The following FTO variants were observed in gnomAD, a reference collection of about 807,000 sequenced individuals.
The protein encoded by FTO is alpha-ketoglutarate-dependent dioxygenase FTO.
In FTO, 47 loss-of-function variants were observed where a neutral mutation model predicts 63.9. The ratio of observed to expected loss-of-function variants is 0.74; its 90% confidence interval spans 0.58 to 0.94. The LOEUF (loss-of-function observed/expected upper bound fraction) is 0.94. FTO is among the 40% of genes least tolerant of loss of function. The pLI, the probability that FTO is intolerant of heterozygous loss-of-function variation, is 0.00. For missense variants in FTO, 562 were observed against 618.1 expected, an observed-to-expected ratio of 0.91 and a Z score of 0.96; for synonymous variants, 207 against 224.4, an observed-to-expected ratio of 0.92 and a Z score of 0.69.
chr16:53,932,760 G>A (rs1030162210), intron 7 of FTO, among the ~76,000 whole-genome samples: 3 of 152,290 alleles, frequency 2.0e-5, no homozygotes, highest in Admixed American at 6.5e-5. Context: ...AAGGAAAAGC[G>A]AATGATCTGG....
At chr16:53,948,387 C>T (rs373662280) in intron 8 of FTO, among the ~76,000 whole-genome samples, 1 of 152,270 alleles carries the variant, frequency 6.6e-6, no homozygotes, top group African/African-American at 2.4e-5. Context: ...GTCTGTAGGC[C>T]ATGGTAATCA....
chr16:53,824,305 C>G (rs2078947019), intron 2 of FTO, among the ~76,000 whole-genome samples: 2 of 152,118 alleles, frequency 1.3e-5, no homozygotes, highest in African/African-American at 4.8e-5. Context: ...TTTTTTGTCC[C>G]TAGAATAGGT....
At chr16:53,780,050 T>C (rs1399919668) in intron 1 of FTO, among the ~76,000 whole-genome samples, 6 of 152,216 alleles carry the variant, frequency 3.9e-5, no homozygotes, top group African/African-American at 7.2e-5. Context: ...TTTAAAAATA[T>C]ATATCAAGTG....
At chr16:53,900,596 A>C (rs1256294491) in intron 7 of FTO, among the ~76,000 whole-genome samples, 2 of 129,108 alleles carry the variant, frequency 1.5e-5, no homozygotes, top group Non-Finnish European at 3.2e-5. Context: ...TCATTTAATC[A>C]TTCATCTGCT....
intron 1 of FTO, among the ~76,000 whole-genome samples, chr16:53,766,384 C>A (rs1015396483): frequency 6.6e-6 from 1 of 152,116 alleles, no homozygotes; most frequent in Non-Finnish European, 1.5e-5. Context: ...CATCACTACT[C>A]CTGGCTAATT....
chr16:53,917,606 G>T (rs1567434971), intron 7 of FTO, among the ~76,000 whole-genome samples: 2 of 150,464 alleles, frequency 1.3e-5, no homozygotes, highest in African/African-American at 4.9e-5. Flanking sequence ...ATTGTGATGG[G>T]TTTTTTTTTC....
At chr16:53,956,157 C>T (rs920204224) in intron 8 of FTO, among the ~76,000 whole-genome samples, 5 of 152,116 alleles carry the variant, frequency 3.3e-5, no homozygotes, top group African/African-American at 9.7e-5. Context: ...TAACTATTGA[C>T]AAAACTTCAG....
intron 8 of FTO, among the ~76,000 whole-genome samples, chr16:53,939,964 A>G (rs563808594): frequency 2.0e-5 from 3 of 152,124 alleles, no homozygotes; most frequent in Non-Finnish European, 4.4e-5. Flanking sequence ...ACATTCATGT[A>G]CAAGTTTTTG....
intron 8 of FTO, among the ~76,000 whole-genome samples, chr16:54,056,289 G>A (rs1275186422): frequency 6.6e-6 from 1 of 152,152 alleles, no homozygotes; most frequent in Non-Finnish European, 1.5e-5. Context: ...TCCTGTAACT[G>A]TAAACTCTGT....
At chr16:53,906,038 T>C (rs755136386) in intron 7 of FTO, among the ~76,000 whole-genome samples, 7 of 152,264 alleles carry the variant, frequency 4.6e-5, no homozygotes, top group Non-Finnish European at 8.8e-5. Context: ...TTTCTCTGCA[T>C]TAGACTCTGT....
chr16:54,013,021 G>A (rs1296136466), intron 8 of FTO, among the ~76,000 whole-genome samples: 2 of 152,154 alleles, frequency 1.3e-5, no homozygotes, highest in African/African-American at 4.8e-5. Context: ...AACACATTTT[G>A]TAAAGCTATA....
intron 2 of FTO, among the ~76,000 whole-genome samples, chr16:53,817,770 C>G (rs1403991027): frequency 1.3e-5 from 2 of 152,116 alleles, no homozygotes; most frequent in African/African-American, 2.4e-5. Flanking sequence ...GAAAATGAAG[C>G]CTGATCTCCA....
At chr16:53,842,582 T>C (rs1395374083) in intron 3 of FTO, among the ~76,000 whole-genome samples, 2 of 152,174 alleles carry the variant, frequency 1.3e-5, no homozygotes, top group South Asian at 4.1e-4. Flanking sequence ...TTGTGTATCC[T>C]TCCAGAAGTA....
At chr16:53,752,783 G>A (rs891505643) in intron 1 of FTO, among the ~76,000 whole-genome samples, 1 of 151,992 alleles carries the variant, frequency 6.6e-6, no homozygotes, top group East Asian at 1.9e-4. Context: ...GGCTTGCAAG[G>A]GTCAATATCA....
At chr16:53,921,608 G>C (rs1053122073) in intron 7 of FTO, among the ~76,000 whole-genome samples, 1 of 152,090 alleles carries the variant, frequency 6.6e-6, no homozygotes, top group South Asian at 2.1e-4. Context: ...AATAGTTTTT[G>C]ATAAAAAGAT....
intron 8 of FTO, chr16:53,993,242 A>G (rs2083855482): frequency 6.6e-6 from 1 of 152,250 alleles, no homozygotes; most frequent in East Asian, 1.9e-4. Context: ...AATACTTTGG[A>G]ACGAAAGTAG....
chr16:53,749,433 C>CT (rs1381573506), intron 1 of FTO, among the ~76,000 whole-genome samples: 1 of 148,800 alleles, frequency 6.7e-6, no homozygotes, highest in African/African-American at 2.5e-5. Context: ...GATTTTAATT[C>CT]TTTTTTTCTT....
At chr16:54,052,708 A>T (rs1364931189) in intron 8 of FTO, 1 of 147,368 alleles carries the variant, frequency 6.8e-6, no homozygotes, top group African/African-American at 2.7e-5. Context: ...ATTGGTGTGG[A>T]TATGAGAACT....
chr16:53,757,455 C>T (rs1363345788), intron 1 of FTO, among the ~76,000 whole-genome samples: 1 of 151,812 alleles, frequency 6.6e-6, no homozygotes, highest in South Asian at 2.1e-4. Context: ...ACATAAATAT[C>T]TGAATATATT....
Sources: gnomAD v4.1 joint callset for allele counts (sites outside exome capture counted in the v4.1 genomes callset) on GRCh38, gnomAD v4.1.1 for gene constraint, MANE v1.5 for transcripts, NCBI Gene and HGNC (gene_info 2026-07-23, HGNC 2026-07-21) for gene names.